Variants in CHN2 observed in about 807,000 individuals in gnomAD.
CHN2 encodes the protein chimerin 2, also known as beta-chimaerin.
CHN2 carries 35 observed loss-of-function variants against 56.3 expected under a neutral mutation model. The ratio of observed to expected loss-of-function variants is 0.62; its 90% CI spans 0.47 to 0.82. The LOEUF (loss-of-function observed/expected upper bound fraction) is 0.82, where lower values mean the gene tolerates loss of function less well. Ranked by LOEUF, CHN2 falls within the 40% of genes least tolerant of loss-of-function variation. The pLI is 0.00. For synonymous variants in CHN2, 210 were observed against 212.8 expected (o/e 0.99, Z 0.12); for missense variants, 491 against 580.5 (o/e 0.85, Z 1.58).
chr7:29,195,624 G>GAC (rs1783606559), intron 1 of CHN2, among the ~76,000 whole-genome samples: 1 of 129,104 alleles, frequency 7.7e-6, no homozygotes, highest in Admixed American at 8.1e-5. Flanking sequence ...GAGAGAGAGA[G>GAC]AGAGAGTGTG....
intron 1 of CHN2, among the ~76,000 whole-genome samples, chr7:29,309,602 G>T (rs553742766): frequency 6.6e-6 from 1 of 152,360 alleles, no homozygotes; most frequent in Admixed American, 6.5e-5. Flanking sequence ...GGCAGTCTGA[G>T]AAGTGGAATG....
At chr7:29,431,328 G>T (rs542490206) in intron 6 of CHN2, among the ~76,000 whole-genome samples, 37 of 152,256 alleles carry the variant, frequency 2.4e-4, no homozygotes, top group African/African-American at 8.9e-4. Flanking sequence ...ATCCAAACTG[G>T]ATTATAGAGT....
intron 6 of CHN2, among the ~76,000 whole-genome samples, chr7:29,462,224 C>A (rs565150801): frequency 3.9e-5 from 6 of 152,164 alleles, no homozygotes; most frequent in Admixed American, 1.3e-4. Context: ...TGTGCTTGGT[C>A]CTCAAGGACA....
intron 7 of CHN2, chr7:29,483,742 C>T (rs949020370): frequency 4.5e-6 from 4 of 897,878 alleles, no homozygotes; most frequent in Non-Finnish European, 5.7e-6. Flanking sequence ...TATGGCTGAG[C>T]TCTGAAAATC....
chr7:29,146,955 C>G, exon 2 of CHN2: 1 of 1,551,078 alleles, frequency 6.4e-7, no homozygotes, highest in Non-Finnish European at 8.7e-7. Context: ...TCCAGCTGCA[C>G]TAGCAGTAAG....
At chr7:29,243,090 T>C (rs1787813053) in intron 1 of CHN2, among the ~76,000 whole-genome samples, 3 of 152,306 alleles carry the variant, frequency 2.0e-5, no homozygotes, top group East Asian at 1.9e-4. Context: ...GTTAGTTCTA[T>C]TAGAAATCTA....
intron 1 of CHN2, among the ~76,000 whole-genome samples, chr7:29,231,669 C>A (rs1248170880): frequency 6.6e-6 from 1 of 152,118 alleles, no homozygotes; most frequent in Admixed American, 6.6e-5. Flanking sequence ...TTTATTTTAG[C>A]CTTTTAGATG....
rs34942216 is a variant in CHN2 at position 29,183,081 on chromosome 7, C to CTT, written c.274+36140_274+36141dup. Among the ~76,000 whole-genome samples the CTT allele has an allele frequency of 1.4e-3, 183 of 131,882 alleles. 1 individual carries two copies. Among genetic ancestry groups the CTT allele is most frequent in the Middle Eastern group, 0.012 (3 of 250 alleles). The allele number at this position is 131,882 out of a possible 152,430, so 86.5% of individuals were successfully genotyped here. On this transcript the variant is annotated intron_variant, in intron 2 of 6. Transcript: ENST00000439384. ...GAAGGCAACTGGAAAACATGGCAGA[C>CTT]TTTTTTTTTTTTTTTTTTTTGAAAC...
chr7:29,487,195 G>A (rs1788113826), intron 7 of CHN2, among the ~76,000 whole-genome samples: 1 of 122,868 alleles, frequency 8.1e-6, no homozygotes, highest in Non-Finnish European at 1.7e-5. Context: ...GAATGGTTGG[G>A]GGCTTGTTTT....
intron 6 of CHN2, among the ~76,000 whole-genome samples, chr7:29,470,497 AGGTAT>A (rs1785931582): frequency 6.6e-6 from 1 of 152,206 alleles, no homozygotes; most frequent in South Asian, 2.1e-4. Context: ...CCTGTTTCAT[AGGTAT>A]CTTGGTTGTT....
At chr7:29,383,848 G>A (rs1276744343) in intron 3 of CHN2, among the ~76,000 whole-genome samples, 1 of 152,188 alleles carries the variant, frequency 6.6e-6, no homozygotes, top group Non-Finnish European at 1.5e-5. Flanking sequence ...TCTGACTTAA[G>A]TGTGAATGAC....
intron 1 of CHN2, among the ~76,000 whole-genome samples, chr7:29,246,255 GA>G (rs1429645987): frequency 3.9e-5 from 6 of 152,262 alleles, no homozygotes; most frequent in African/African-American, 1.2e-4. Flanking sequence ...CAGAACCGGA[GA>G]GGTTCCCAGA....
At chr7:29,336,966 C>T (rs1466870866) in intron 1 of CHN2, among the ~76,000 whole-genome samples, 3 of 152,014 alleles carry the variant, frequency 2.0e-5, no homozygotes, top group Admixed American at 6.5e-5. Context: ...GCTTCCCATT[C>T]GCCCCTGCCA....
chr7:29,473,348 T>A (rs576334558), intron 6 of CHN2, among the ~76,000 whole-genome samples: 53 of 152,292 alleles, frequency 3.5e-4, no homozygotes, highest in African/African-American at 9.4e-4. Context: ...TCAGTCTCAA[T>A]TCTAAGAGCA....
intron 1 of CHN2, among the ~76,000 whole-genome samples, chr7:29,294,527 A>G (rs1792963144): frequency 6.6e-6 from 1 of 152,184 alleles, no homozygotes; most frequent in African/African-American, 2.4e-5. Context: ...TAACCGCAAG[A>G]AGATACCATT....
At chr7:29,467,116 G>A (rs1017183416) in intron 6 of CHN2, among the ~76,000 whole-genome samples, 15 of 152,206 alleles carry the variant, frequency 9.9e-5, no homozygotes, top group African/African-American at 3.1e-4. Context: ...TCATATGTAC[G>A]TAGCTATTTC....
chr7:29,459,929 G>T (rs1785030200), intron 6 of CHN2, among the ~76,000 whole-genome samples: 1 of 152,202 alleles, frequency 6.6e-6, no homozygotes, highest in Non-Finnish European at 1.5e-5. Context: ...CGAGACAATA[G>T]AATACAATAG....
intron 1 of CHN2, among the ~76,000 whole-genome samples, chr7:29,291,267 T>C (rs968405986): frequency 6.6e-6 from 1 of 152,114 alleles, no homozygotes; most frequent in African/African-American, 2.4e-5. Context: ...TTTCAGGTGT[T>C]TTCTATCTAT....
chr7:29,402,669 G>C (rs188257550), intron 6 of CHN2, among the ~76,000 whole-genome samples: 236 of 152,320 alleles, frequency 1.5e-3, no homozygotes, highest in African/African-American at 5.4e-3. Flanking sequence ...ATGCACACTA[G>C]AACAGCTCAA....
Sources: gnomAD v4.1 joint callset for allele counts (sites outside exome capture counted in the v4.1 genomes callset) on GRCh38, gnomAD v4.1.1 for gene constraint, MANE v1.5 for transcripts, NCBI Gene and HGNC (gene_info 2026-07-23, HGNC 2026-07-21) for gene names.